Variants in ADRB1 observed in about 807,000 individuals in gnomAD.
ADRB1 encodes adrenoceptor beta 1.
For missense variants in ADRB1, 635 were observed against 709.1 expected, an observed-to-expected ratio of 0.90 and a Z score of 1.19; for synonymous variants, 365 against 347.2, an observed-to-expected ratio of 1.05 and a Z score of -0.57.
At position 114,045,021 on chromosome 10, in the gene ADRB1, G is replaced by T; in HGVS notation, c.889G>T (p.Ala297Ser). ...ACCCCCGCGCCCCGCCGCCGCCGCC[G>T]CCACCGCCCCGCTGGCCAACGGGCG... ...PGPPRPAAAA[A>S]TAPLANGRAG... Residue 297 changes from alanine to serine, a missense_variant, in exon 1 of 1, where the codon GCC becomes TCC. Physicochemically the swap from Ala to Ser is moderately conservative, Grantham distance 99 (BLOSUM62 1). Transcript: ENST00000369295. 1 of 1,134,800 alleles carries T rather than the reference G, an allele frequency of 8.8e-7. No individual in the cohort carries two copies. Among genetic ancestry groups the T allele is most frequent in the Non-Finnish European group, 1.1e-6 (1 of 925,524 alleles). 70.3% of individuals were successfully genotyped at this position (1,134,800 alleles called of 1,614,324 possible). A position where few individuals can be genotyped will look rare whatever the true frequency, so the allele number is the denominator to read the frequency against.
At position 114,044,962 on chromosome 10, in the gene ADRB1, C is replaced by G; in HGVS notation, c.830C>G (p.Pro277Arg). ...GGPARPPSPS[P>R]SPVPAPAPPP... is the part of the protein sequence containing the mutation. ...CCAGCGCGGCCGCCCTCGCCCTCGC[C>G]CTCGCCCGTCCCCGCGCCCGCGCCG... The change falls in exon 1 of 1, where the codon CCC (proline) becomes CGC (arginine). Residue 277 changes from proline to arginine, a missense_variant. By Grantham distance (103) the Pro-to-Arg change is moderately radical. Coordinates refer to ENST00000369295, the MANE Select transcript of ADRB1 (RefSeq NM_000684.3). This position sits in a 1 kb window ranked among gnomAD's most constrained non-coding sequence, Gnocchi z 7.8. 1.6e-6 allele frequency: 2 copies of G among 1,249,422 alleles called. No individual in the cohort carries two copies. The highest frequency in any genetic ancestry group is 2.0e-6 in the Non-Finnish European group (2 of 990,258). The allele number at this position is 1,249,422 out of a possible 1,614,324, so 77.4% of individuals were successfully genotyped here.
Position 114,045,283 on chromosome 10 carries a change from G to T in ADRB1, c.1151G>T (p.Arg384Leu), listed in dbSNP as rs747834556. Residue 384 changes from arginine (R) to leucine (L), a missense_variant, in exon 1 of 1, where the codon CGC (arginine) becomes CTC (leucine). Arg to Leu is a moderately radical substitution (Grantham distance 102). Transcript: ENST00000369295. ...ATCTACTGCCGCAGCCCCGACTTCC[G>T]CAAGGCCTTCCAGGGACTGCTCTGC... ...PIIYCRSPDF[R>L]KAFQGLLCCA... The T allele has an allele frequency of 6.3e-7, 1 of 1,588,892 alleles. No homozygotes were observed. Among genetic ancestry groups the T allele is most frequent in the South Asian group, 1.1e-5 (1 of 88,696 alleles).
chr10:114,045,570 C>T lies in ADRB1; in HGVS notation c.*4C>T. ...CGCCTCGGAATCCAAGGTGTAGGGC[C>T]CGGCGCGGGGCGCGGACTCCGGGCA... On this transcript the variant is annotated 3_prime_UTR_variant, in exon 1 of 1. Transcript: ENST00000369295. 2.3e-6 allele frequency: 3 copies of T among 1,285,456 alleles called. No individual in the cohort carries two copies. The highest frequency in any genetic ancestry group is 2.8e-5 in the South Asian group (1 of 36,070). The allele number at this position is 1,285,456 out of a possible 1,614,324, so 79.6% of individuals were successfully genotyped here.
At position 114,045,538 on chromosome 10, in the gene ADRB1, C is replaced by T; in HGVS notation, c.1406C>T (p.Pro469Leu). ...TCGAGCCTGGACGAGCCGTGCCGCC[C>T]CGGCTTCGCCTCGGAATCCAAGGTG... ...SDSSLDEPCRPGFASESKV is the reference protein window; with the variant it reads ...SDSSLDEPCRLGFASESKV Residue 469 changes from proline (P) to leucine (L), a missense_variant, in exon 1 of 1, where the codon CCC (proline) becomes CTC (leucine). By Grantham distance (98) the Pro-to-Leu change is moderately conservative. Coordinates refer to ENST00000369295, the MANE Select transcript of ADRB1 (RefSeq NM_000684.3). The T allele has an allele frequency of 7.6e-7, 1 of 1,309,774 alleles. No individual in the cohort carries two copies. Among genetic ancestry groups the T allele is most frequent in the Non-Finnish European group, 9.7e-7 (1 of 1,025,750 alleles). The allele number at this position is 1,309,774 out of a possible 1,614,324, so 81.1% of individuals were successfully genotyped here.
rs1246967819 is a variant in ADRB1 at position 114,045,739 on chromosome 10, T to C, written c.*173T>C. On this transcript the variant is annotated 3_prime_UTR_variant, in exon 1 of 1. Coordinates refer to ENST00000369295, the MANE Select transcript of ADRB1 (RefSeq NM_000684.3). ...ACAAAAAGGAAAGTTTGGGAAGGGA[T>C]GGGAGAGTGGCTTGCTGATGTTCCT... is the stretch of plus-strand genomic sequence containing the variant. The C allele has an allele frequency of 1.0e-5, 5 of 494,688 alleles. No individual in the cohort carries two copies. The highest frequency in any genetic ancestry group is 4.8e-4 in the Middle Eastern group (1 of 2,098). The allele number at this position is 494,688 out of a possible 1,614,324, so 30.6% of individuals were successfully genotyped here.
chr10:114,045,510 G>C lies in ADRB1; in HGVS notation c.1378G>C (p.Asp460His). The C allele has an allele frequency of 7.7e-7, 1 of 1,295,442 alleles. No homozygotes were observed. The highest frequency in any genetic ancestry group is 3.1e-5 in the East Asian group (1 of 32,132). The allele number at this position is 1,295,442 out of a possible 1,614,324, so 80.2% of individuals were successfully genotyped here. ...CAACGGCGGGGCGGCGGCGGACAGC[G>C]ACTCGAGCCTGGACGAGCCGTGCCG... ...GCNGGAAADS[D>H]SSLDEPCRPG... Residue 460 changes from aspartate (D) to histidine (H), a missense_variant, in exon 1 of 1, where the codon GAC becomes CAC. By Grantham distance (81) the Asp-to-His change is moderately conservative. Coordinates refer to ENST00000369295, the MANE Select transcript of ADRB1 (RefSeq NM_000684.3).
rs765897554 is a variant in ADRB1 at position 114,045,244 on chromosome 10, C to A, written c.1112C>A (p.Ala371Asp). 6.3e-7 allele frequency: 1 copy of A among 1,599,604 alleles called. No homozygotes were observed. The highest frequency in any genetic ancestry group is 8.5e-7 in the Non-Finnish European group (1 of 1,172,944). The change falls in exon 1 of 1, where the codon GCC (alanine) becomes GAC (aspartate). Residue 371 changes from alanine (A) to aspartate (D), a missense_variant. Ala to Asp is a moderately radical substitution (Grantham distance 126). Transcript: ENST00000369295. ...AACTGGCTGGGCTACGCCAACTCGG[C>A]CTTCAACCCCATCATCTACTGCCGC... ...FFNWLGYANS[A>D]FNPIIYCRSP...
rs886685882 is a variant in ADRB1, at chr10:114,046,647, A to G, written c.*1081A>G. 2 of 167,076 alleles carry G rather than the reference A, an allele frequency of 1.2e-5. No homozygotes were observed. The highest frequency in any genetic ancestry group is 2.4e-5 in the African/African-American group (1 of 41,464). The allele number at this position is 167,076 out of a possible 1,614,324, so 10.3% of individuals were successfully genotyped here. A position where few individuals can be genotyped will look rare whatever the true frequency, so the allele number is the denominator to read the frequency against. ...CTGTTGTCTAGTATGTTATTGAGCT[A>G]ATGATTCATTGGGAAAATACCTTTT... On this transcript the variant is annotated 3_prime_UTR_variant, in exon 1 of 1. Transcript: ENST00000369295.
At position 114,045,671 on chromosome 10, in the gene ADRB1, G is replaced by C. The variant is rs1162100421; in HGVS notation, c.*105G>C. On this transcript the variant is annotated 3_prime_UTR_variant, in exon 1 of 1. Transcript: ENST00000369295. ...GGTGAACTCGAAGCCCACAATCCTC[G>C]TCTGAATCATCCGAGGCAAAGAGAA... The C allele has an allele frequency of 2.3e-5, 26 of 1,112,658 alleles. No individual in the cohort carries two copies. The highest frequency in any genetic ancestry group is 3.2e-5 in the African/African-American group (2 of 61,562). The allele number at this position is 1,112,658 out of a possible 1,614,324, so 68.9% of individuals were successfully genotyped here. A position where few individuals can be genotyped will look rare whatever the true frequency, so the allele number is the denominator to read the frequency against.
Position 114,044,857 on chromosome 10 carries a change from T to C in ADRB1, c.725T>C (p.Phe242Ser). The C allele has an allele frequency of 1.9e-6, 3 of 1,613,606 alleles. No homozygotes were observed. Among genetic ancestry groups the C allele is most frequent in the Non-Finnish European group, 2.5e-6 (3 of 1,179,854 alleles). ...SFYVPLCIMAFVYLRVFREAQ... is the reference protein window; with the variant it reads ...SFYVPLCIMASVYLRVFREAQ... ...TACGTGCCCCTGTGCATCATGGCCT[T>C]CGTGTACCTGCGGGTGTTCCGCGAG... The change falls in exon 1 of 1, where the codon TTC (phenylalanine) becomes TCC (serine). Residue 242 changes from phenylalanine to serine, a missense_variant. Transcript: ENST00000369295. This position sits in a 1 kb window ranked among gnomAD's most constrained non-coding sequence, Gnocchi z 7.8.
In ADRB1 at chr10:114,044,721, C is replaced by T. The variant is rs1397723371; in HGVS notation, c.589C>T (p.His197Tyr). 1 of 1,612,896 alleles carries T rather than the reference C, an allele frequency of 6.2e-7. No homozygotes were observed. Among genetic ancestry groups the T allele is most frequent in the Non-Finnish European group, 8.5e-7 (1 of 1,179,820 alleles). ...GGTGTCCTTCCTGCCCATCCTCATG[C>T]ACTGGTGGCGGGCGGAGAGCGACGA... is the stretch of plus-strand genomic sequence containing the variant. The part of the protein sequence containing the change: ...ALVSFLPILM[H>Y]WWRAESDEAR... Residue 197 changes from histidine to tyrosine, a missense_variant, in exon 1 of 1, where the codon CAC becomes TAC. Coordinates refer to ENST00000369295, the MANE Select transcript of ADRB1 (RefSeq NM_000684.3). The surrounding 1 kb of genome is among the most constrained non-coding windows in gnomAD (Gnocchi z 7.8).
chr10:114,044,657 G>A lies in ADRB1; in HGVS notation c.525G>A (p.Ala175=), dbSNP rs748145503. The A allele has an allele frequency of 3.1e-6, 5 of 1,612,682 alleles. No homozygotes were observed. In the Admixed American group the frequency reaches 6.7e-5, roughly 22 times the overall value. Residue 175 remains alanine (A), a synonymous_variant, in exon 1 of 1, where the codon GCG becomes GCA. Transcript: ENST00000369295. This position sits in a 1 kb window ranked among gnomAD's most constrained non-coding sequence, Gnocchi z 7.8. ...AGAGCCTGCTGACGCGCGCGCGGGC[G>A]CGGGGCCTCGTGTGCACCGTGTGGG... ...RYQSLLTRAR[A]RGLVCTVWAI...
rs1589585531 is a variant in ADRB1, at chr10:114,045,456, G to A, written c.1324G>A (p.Ala442Thr). ...DDDVVGATPP[A>T]RLLEPWAGCN... ...CGATGTCGTCGGGGCCACGCCGCCCGCGCGCCTGCTGGAGCCCTGGGCCGG... is the reference window on the plus strand; with the variant it reads ...CGATGTCGTCGGGGCCACGCCGCCCACGCGCCTGCTGGAGCCCTGGGCCGG... The change falls in exon 1 of 1, where the codon GCG becomes ACG. Residue 442 changes from alanine (A) to threonine (T), a missense_variant. By Grantham distance (58) the Ala-to-Thr change is moderately conservative. Transcript: ENST00000369295. 1 of 1,253,644 alleles carries A rather than the reference G, an allele frequency of 8.0e-7. No homozygotes were observed. The highest frequency in any genetic ancestry group is 1.0e-6 in the Non-Finnish European group (1 of 997,410). The allele number at this position is 1,253,644 out of a possible 1,614,324, so 77.7% of individuals were successfully genotyped here. A position where few individuals can be genotyped will look rare whatever the true frequency, so the allele number is the denominator to read the frequency against.
chr10:114,044,510 C>T lies in ADRB1; in HGVS notation c.378C>T (p.Tyr126=), dbSNP rs747287615. The T allele has an allele frequency of 1.9e-6, 3 of 1,613,684 alleles. No individual in the cohort carries two copies. The highest frequency in any genetic ancestry group is 3.3e-4 in the Middle Eastern group (2 of 6,060). ...TCGTGGTGTGGGGCCGCTGGGAGTA[C>T]GGCTCCTTCTTCTGCGAGCTGTGGA... ...ATIVVWGRWE[Y]GSFFCELWTS... is the part of the protein sequence containing the mutation. Residue 126 remains tyrosine (Y), a synonymous_variant, in exon 1 of 1, where the codon TAC becomes TAT. Transcript: ENST00000369295. This position sits in a 1 kb window ranked among gnomAD's most constrained non-coding sequence, Gnocchi z 7.8.
chr10:114,044,366 G>A lies in ADRB1; in HGVS notation c.234G>A (p.Leu78=), dbSNP rs1339714997. The A allele has an allele frequency of 1.2e-6, 2 of 1,608,730 alleles. No individual in the cohort carries two copies. Residue 78 remains leucine (L), a synonymous_variant, in exon 1 of 1, where the codon CTG becomes CTA. Transcript: ENST00000369295. This position sits in a 1 kb window ranked among gnomAD's most constrained non-coding sequence, Gnocchi z 7.8. ...IVLLIVAGNV[L]VIVAIAKTPR... The stretch of plus-strand genomic sequence containing the variant: ...TGCTCATCGTGGCGGGCAATGTGCT[G>A]GTGATCGTGGCCATCGCCAAGACGC...
In ADRB1 at chr10:114,045,718, A is replaced by C; in HGVS notation, c.*152A>C. 1.3e-6 allele frequency: 1 copy of C among 778,568 alleles called. No individual in the cohort carries two copies. The highest frequency in any genetic ancestry group is 1.8e-6 in the Non-Finnish European group (1 of 563,282). The allele number at this position is 778,568 out of a possible 1,614,324, so 48.2% of individuals were successfully genotyped here. A position where few individuals can be genotyped will look rare whatever the true frequency, so the allele number is the denominator to read the frequency against. The stretch of plus-strand genomic sequence containing the variant: ...AGAAAAGCCACGGACCGTTGCACAA[A>C]AAGGAAAGTTTGGGAAGGGATGGGA... On this transcript the variant is annotated 3_prime_UTR_variant, in exon 1 of 1. Coordinates refer to ENST00000369295, the MANE Select transcript of ADRB1 (RefSeq NM_000684.3).
Position 114,045,488 on chromosome 10 carries a change from C to G in ADRB1, c.1356C>G (p.Asn452Lys). The G allele has an allele frequency of 7.8e-7, 1 of 1,284,404 alleles. No individual in the cohort carries two copies. The highest frequency in any genetic ancestry group is 9.8e-7 in the Non-Finnish European group (1 of 1,015,268). 79.6% of individuals were successfully genotyped at this position (1,284,404 alleles called of 1,614,324 possible). Residue 452 changes from asparagine to lysine, a missense_variant, in exon 1 of 1, where the codon AAC (asparagine) becomes AAG (lysine). Coordinates refer to ENST00000369295, the MANE Select transcript of ADRB1 (RefSeq NM_000684.3). ...ARLLEPWAGCNGGAAADSDSS... is the reference protein window; with the variant it reads ...ARLLEPWAGCKGGAAADSDSS... ...TGCTGGAGCCCTGGGCCGGCTGCAA[C>G]GGCGGGGCGGCGGCGGACAGCGACT... is the stretch of plus-strand genomic sequence containing the variant.
Position 114,043,932 on chromosome 10 carries a change from C to T in ADRB1, c.-201C>T, listed in dbSNP as rs1847521207. ...GCGGCTCCAGCAGCAGCGGCGGCGG[C>T]GGCGGCGGCGGCAGCGGCAGCGACA... On this transcript the variant is annotated 5_prime_UTR_variant, in exon 1 of 1. Transcript: ENST00000369295. The T allele has an allele frequency of 1.6e-5, 4 of 255,230 alleles. No individual in the cohort carries two copies. The Admixed American group carries it at 1.7e-4, about 11-fold the overall frequency. 15.8% of individuals were successfully genotyped at this position (255,230 alleles called of 1,614,324 possible).
chr10:114,044,150 C>T lies in ADRB1; in HGVS notation c.18C>T (p.Leu6=), dbSNP rs1367063633. The part of the protein sequence containing the change: MGAGV[L]VLGASEPGNL... The stretch of plus-strand genomic sequence containing the variant: ...AGCTCGGCATGGGCGCGGGGGTGCT[C>T]GTCCTGGGCGCCTCCGAGCCCGGTA... The change falls in exon 1 of 1, where the codon CTC becomes CTT. Residue 6 remains leucine, a synonymous_variant. Coordinates refer to ENST00000369295, the MANE Select transcript of ADRB1 (RefSeq NM_000684.3). This position sits in a 1 kb window ranked among gnomAD's most constrained non-coding sequence, Gnocchi z 7.8. The T allele has an allele frequency of 4.5e-6, 6 of 1,325,042 alleles. No homozygotes were observed. Among genetic ancestry groups the T allele is most frequent in the South Asian group, 4.2e-5 (2 of 47,868 alleles). 82.1% of individuals were successfully genotyped at this position (1,325,042 alleles called of 1,614,324 possible).
Sources: allele counts gnomAD v4.1 joint callset, GRCh38; gene constraint gnomAD v4.1.1; non-coding constraint Gnocchi (gnomAD v3.1); transcripts MANE v1.5; gene names NCBI Gene and HGNC (gene_info 2026-07-23, HGNC 2026-07-21).